PHIP: variants seen among roughly 807,000 people sequenced by gnomAD.
PHIP encodes the protein PH-interacting protein.
In PHIP, 54 loss-of-function variants were observed where a neutral mutation model predicts 236.8. The observed-to-expected ratio is 0.23, with a 90% CI of 0.18 to 0.29. The LOEUF is 0.29. Among genes scored for constraint, PHIP ranks in the 10% least tolerant of loss-of-function variants. PHIP has a pLI of 1.00. For synonymous variants in PHIP, 756 were observed against 718.9 expected (o/e 1.05, Z -0.83); for missense variants, 1,370 against 2,190.8 (o/e 0.63, Z 7.48).
intron 6 of PHIP, among the ~76,000 whole-genome samples, chr6:79,048,981 TG>T (rs1772650395): frequency 6.6e-6 from 1 of 152,110 alleles, no homozygotes; most frequent in African/African-American, 2.4e-5. Flanking sequence ...GCTGCAGAAT[TG>T]GGGGTACTCA....
intron 27 of PHIP, among the ~76,000 whole-genome samples, chr6:78,968,448 A>T (rs1767296223): frequency 6.6e-6 from 1 of 152,172 alleles, no homozygotes; most frequent in Non-Finnish European, 1.5e-5. Flanking sequence ...TATTAGTGGG[A>T]TGTGAAATCC....
Position 78,946,068 on chromosome 6 carries a change from T to G in PHIP, c.4563A>C (p.Pro1521=), listed in dbSNP as rs757356544. The G allele has an allele frequency of 6.2e-7, 1 of 1,612,748 alleles. No homozygotes were observed. The highest frequency in any genetic ancestry group is 1.7e-5 in the Admixed American group (1 of 59,998). Residue 1521 remains proline (P), a synonymous_variant, in exon 38 of 40, where the codon CCA becomes CCC. Coordinates refer to ENST00000275034, the MANE Select transcript of PHIP (RefSeq NM_017934.7). ...AAGTCTTTGCAGCTGAAGAAGTAGA[T>G]GGTTGCTCAGTGACAACTGGATCTA... ...VVVDPVVTEQ[P]STSSAAKTFI... is the part of the protein sequence containing the mutation.
In PHIP at chr6:78,978,689, G is replaced by A. The variant is rs1768287264; in HGVS notation, c.2792C>T (p.Thr931Ile). 6.3e-7 allele frequency: 1 copy of A among 1,594,808 alleles called. No individual in the cohort carries two copies. Among genetic ancestry groups the A allele is most frequent in the African/African-American group, 1.3e-5 (1 of 74,670 alleles). ...KQKRLAVGEL[T>I]ENGLTLEEWL... is the part of the protein sequence containing the mutation. ...TTCTTCTAATGTCAAACCATTTTCA[G>A]TTAGTTCTCCCACAGCCAATCTCTG... is the stretch of plus-strand genomic sequence containing the variant. Residue 931 changes from threonine to isoleucine, a missense_variant, in exon 24 of 40, where the codon ACT (threonine) becomes ATT (isoleucine). Coordinates refer to ENST00000275034, the MANE Select transcript of PHIP (RefSeq NM_017934.7).
rs11963444 is a variant in PHIP at position 79,035,855 on chromosome 6, C to G, written c.600+6988G>C. Among the ~76,000 whole-genome samples, 972 of 152,192 alleles carry G rather than the reference C, an allele frequency of 6.4e-3. 10 individuals carry two copies. Among genetic ancestry groups the G allele is most frequent in the African/African-American group, 0.022 (931 of 41,500 alleles). On this transcript the variant is annotated intron_variant, in intron 7 of 39. Coordinates refer to ENST00000275034, the MANE Select transcript of PHIP (RefSeq NM_017934.7). ...TTTCTTTCTTACCAATCTATCAGAC[C>G]TGTGTTTCATTTCCCTTACAAATCA...
At chr6:79,043,557 TATA>T (rs1015270131) in intron 6 of PHIP, among the ~76,000 whole-genome samples, 10 of 152,138 alleles carry the variant, frequency 6.6e-5, no homozygotes, top group African/African-American at 2.4e-4. Context: ...CAAACACCTG[TATA>T]ATGATTCCTT....
At chr6:79,007,175 T>G (rs1386424544) in intron 15 of PHIP, among the ~76,000 whole-genome samples, 1 of 152,074 alleles carries the variant, frequency 6.6e-6, no homozygotes, top group Non-Finnish European at 1.5e-5. Context: ...AGCTAAGAGC[T>G]CTGATGAGGA....
intron 37 of PHIP, 99 bp from the exon 38 acceptor site, chr6:78,946,359 A>G: frequency 2.1e-6 from 3 of 1,397,040 alleles, no homozygotes; most frequent in Non-Finnish European, 2.9e-6. Flanking sequence ...ACTATTATGA[A>G]ATATGTTAAA....
chr6:79,062,251 AG>A (rs1489409598), intron 4 of PHIP, among the ~76,000 whole-genome samples: 2 of 152,222 alleles, frequency 1.3e-5, no homozygotes, highest in Non-Finnish European at 2.9e-5. Context: ...ATTTAGCTAC[AG>A]AATCCCTTTT....
chr6:78,942,075 G>A (rs566874173), intron 39 of PHIP, among the ~76,000 whole-genome samples: 1 of 152,294 alleles, frequency 6.6e-6, no homozygotes, highest in East Asian at 1.9e-4. Flanking sequence ...TATGGTAGGT[G>A]ATTTGCAATG....
At chr6:79,065,111 C>T (rs1773561115) in intron 4 of PHIP, among the ~76,000 whole-genome samples, 1 of 152,148 alleles carries the variant, frequency 6.6e-6, no homozygotes, top group Non-Finnish European at 1.5e-5. Flanking sequence ...TTTTTCCTTC[C>T]TATTTTTAAA....
At chr6:78,973,963 T>C (rs1189456621) in intron 24 of PHIP, among the ~76,000 whole-genome samples, 2 of 152,010 alleles carry the variant, frequency 1.3e-5, no homozygotes. Context: ...ATTAGACAGA[T>C]CAACGAGACA....
intron 35 of PHIP, among the ~76,000 whole-genome samples, chr6:78,948,482 G>A (rs887961877): frequency 6.6e-6 from 1 of 151,882 alleles, no homozygotes; most frequent in African/African-American, 2.4e-5. Flanking sequence ...TTTTTTAGCA[G>A]GGACAAAGAG....
At chr6:79,010,550 G>A (rs1173660586) in intron 15 of PHIP, among the ~76,000 whole-genome samples, 1 of 151,818 alleles carries the variant, frequency 6.6e-6, no homozygotes, top group Non-Finnish European at 1.5e-5. Flanking sequence ...TTTCTATTAA[G>A]AGACATACTA....
At chr6:79,002,586 T>G (rs1281065531) in intron 16 of PHIP, among the ~76,000 whole-genome samples, 3 of 152,098 alleles carry the variant, frequency 2.0e-5, no homozygotes, top group Non-Finnish European at 2.9e-5. Flanking sequence ...CACCCATTAC[T>G]GTATAGGAAA....
At chr6:78,964,462 CTTAT>C (rs1766998747) in intron 29 of PHIP, among the ~76,000 whole-genome samples, 1 of 151,932 alleles carries the variant, frequency 6.6e-6, no homozygotes, top group African/African-American at 2.4e-5. Context: ...TTTTAAAGAT[CTTAT>C]TTATTTTTAT....
intron 7 of PHIP, among the ~76,000 whole-genome samples, chr6:79,032,588 A>T (rs1288496919): frequency 6.6e-6 from 1 of 152,156 alleles, no homozygotes; most frequent in East Asian, 1.9e-4. Context: ...ATGAGATTGC[A>T]GCAATTCAGT....
intron 7 of PHIP, among the ~76,000 whole-genome samples, chr6:79,034,366 G>T (rs954415165): frequency 1.3e-5 from 2 of 152,064 alleles, no homozygotes; most frequent in Admixed American, 1.3e-4. Flanking sequence ...TTTATGACGT[G>T]GCTTTCTACT....
chr6:78,985,796 C>T (rs1459077248), intron 21 of PHIP, among the ~76,000 whole-genome samples: 4 of 151,898 alleles, frequency 2.6e-5, no homozygotes, highest in African/African-American at 9.7e-5. Flanking sequence ...GAGCTGAGAT[C>T]GCACCACTAC....
At position 78,954,801 on chromosome 6, in the gene PHIP, C is replaced by CA. The variant is rs1192046416; in HGVS notation, c.4053+12dup. 2 of 1,551,780 alleles carry CA rather than the reference C, an allele frequency of 1.3e-6. No individual in the cohort carries two copies. The highest frequency in any genetic ancestry group is 2.4e-5 in the East Asian group (1 of 42,254). ...AACTGACAGGTAAAGAAAATATTTT[C>CA]AAAAATACTTACTGGATATTCAAGG... On this transcript the variant is annotated intron_variant, in intron 35 of 39. Transcript: ENST00000275034.
Sources: gnomAD v4.1 joint callset for allele counts (sites outside exome capture counted in the v4.1 genomes callset) on GRCh38, gnomAD v4.1.1 for gene constraint, MANE v1.5 for transcripts, NCBI Gene and HGNC (gene_info 2026-07-23, HGNC 2026-07-21) for gene names.